XPR1: variants seen among roughly 807,000 people sequenced by gnomAD.
XPR1 encodes solute carrier family 53 member 1.
XPR1 carries 28 observed loss-of-function variants against 87.5 expected under a neutral mutation model. That is an observed-to-expected ratio of 0.32 (90% CI 0.24 to 0.44). The LOEUF (loss-of-function observed/expected upper bound fraction) is 0.44, where lower values mean the gene tolerates loss of function less well. Ranked by LOEUF, XPR1 falls within the 20% of genes least tolerant of loss-of-function variation. The pLI is 1.00. For synonymous variants in XPR1, 300 were observed against 306.1 expected (o/e 0.98, Z 0.21); for missense variants, 559 against 862.3 (o/e 0.65, Z 4.41).
At chr1:180,650,131 A>G (rs1385512912) in intron 1 of XPR1, among the ~76,000 whole-genome samples, 2 of 152,192 alleles carry the variant, frequency 1.3e-5, no homozygotes, top group African/African-American at 2.4e-5. Flanking sequence ...TTATACTTAA[A>G]AAAAAATTCC....
intron 8 of XPR1, 21 bp downstream of exon 8, chr1:180,824,964 C>T: frequency 6.2e-7 from 1 of 1,608,600 alleles, no homozygotes; most frequent in Non-Finnish European, 8.5e-7. Context: ...CAAGACATAA[C>T]ACCTCATGAA....
At chr1:180,807,038 A>G (rs1156718662) in intron 6 of XPR1, among the ~76,000 whole-genome samples, 1 of 152,220 alleles carries the variant, frequency 6.6e-6, no homozygotes, top group Non-Finnish European at 1.5e-5. Context: ...ATAGAAATCA[A>G]TAACAGAGCT....
chr1:180,767,949 G>A (rs1277928601), intron 2 of XPR1, among the ~76,000 whole-genome samples: 4 of 151,692 alleles, frequency 2.6e-5, no homozygotes, highest in African/African-American at 9.7e-5. Flanking sequence ...GGTTCACACC[G>A]TTCTCCTGCC....
intron 12 of XPR1, among the ~76,000 whole-genome samples, chr1:180,873,566 C>G (rs768369307): frequency 6.6e-6 from 1 of 152,158 alleles, no homozygotes; most frequent in Non-Finnish European, 1.5e-5. Context: ...AATGATTACT[C>G]AAATTCAGTA....
chr1:180,655,052 G>A (rs767617195), intron 1 of XPR1, among the ~76,000 whole-genome samples: 2 of 152,012 alleles, frequency 1.3e-5, no homozygotes, highest in Non-Finnish European at 2.9e-5. Flanking sequence ...TCCACCAACA[G>A]TGCACAATTT....
intron 1 of XPR1, among the ~76,000 whole-genome samples, chr1:180,637,068 A>AGG (rs1553231121): frequency 7.7e-6 from 1 of 130,490 alleles, no homozygotes; most frequent in Non-Finnish European, 1.6e-5. Context: ...AAAAAAAAAA[A>AGG]AAAGGAAAAG....
At chr1:180,849,489 C>T (rs1027505433) in intron 11 of XPR1, among the ~76,000 whole-genome samples, 3 of 152,064 alleles carry the variant, frequency 2.0e-5, no homozygotes, top group Non-Finnish European at 2.9e-5. Flanking sequence ...AGGATTAGGG[C>T]GATCCAAAAT....
At chr1:180,857,467 A>G (rs2102199192) in intron 11 of XPR1, among the ~76,000 whole-genome samples, 1 of 152,104 alleles carries the variant, frequency 6.6e-6, no homozygotes, top group South Asian at 2.1e-4. Context: ...ATGTGCAGGT[A>G]CTCTTTATTG....
At chr1:180,664,896 T>C (rs1028591060) in intron 1 of XPR1, among the ~76,000 whole-genome samples, 1 of 152,156 alleles carries the variant, frequency 6.6e-6, no homozygotes, top group Admixed American at 6.5e-5. Flanking sequence ...CAACCTAGAA[T>C]CTCTTCCATG....
At chr1:180,746,283 CT>C in intron 2 of XPR1, among the ~76,000 whole-genome samples, 1 of 152,250 alleles carries the variant, frequency 6.6e-6, no homozygotes, top group East Asian at 1.9e-4. Context: ...ACCTTCCTCT[CT>C]TCTGAGTCTT....
At position 180,720,969 on chromosome 1, in the gene XPR1, T is replaced by G. The variant is rs1376211719; in HGVS notation, c.121+38558T>G. ...TTAGAAGGAGGCCAGGCGTGGTGAC[T>G]CATGCCTGTAATCCCAGCACTTTGG... On this transcript the variant is annotated intron_variant, in intron 2 of 14. Transcript: ENST00000367590. 2.0e-5 allele frequency among the ~76,000 whole-genome samples: 3 copies of G among 152,168 alleles called. No homozygotes were observed. The South Asian group carries it at 6.2e-4, about 32-fold the overall frequency.
At chr1:180,854,094 G>T (rs6703189) in intron 11 of XPR1, among the ~76,000 whole-genome samples, 47,760 of 152,066 alleles carry the variant, frequency 0.31, 8,234 homozygotes, top group Non-Finnish European at 0.38. Flanking sequence ...TAGGGGTTTT[G>T]CTTTATCTAT....
At position 180,775,335 on chromosome 1, in the gene XPR1, G is replaced by A. The variant is rs922244211; in HGVS notation, c.122-12418G>A. Among the ~76,000 whole-genome samples the A allele has an allele frequency of 4.6e-5, 7 of 152,222 alleles. No homozygotes were observed. In the East Asian group the frequency reaches 7.7e-4, roughly 17 times the overall value. ...ACCATGGCTCCCACCTGTAATCCCA[G>A]CACTTTGGGAGGCTGAGGCAGGGGG... is the stretch of plus-strand genomic sequence containing the variant. On this transcript the variant is annotated intron_variant, in intron 2 of 14. Transcript: ENST00000367590.
At chr1:180,823,733 A>C (rs868247298) in intron 7 of XPR1, among the ~76,000 whole-genome samples, 4 of 152,232 alleles carry the variant, frequency 2.6e-5, no homozygotes, top group African/African-American at 7.2e-5. Flanking sequence ...GTAGTGCTTA[A>C]GAGTATGAAC....
At chr1:180,737,336 GGC>G (rs1363733181) in intron 2 of XPR1, among the ~76,000 whole-genome samples, 3 of 152,278 alleles carry the variant, frequency 2.0e-5, no homozygotes, top group Admixed American at 6.5e-5. Flanking sequence ...GGAAAATTCA[GGC>G]TATGTATACC....
intron 3 of XPR1, among the ~76,000 whole-genome samples, chr1:180,799,797 G>T (rs1026593532): frequency 6.6e-6 from 1 of 152,164 alleles, no homozygotes; most frequent in African/African-American, 2.4e-5. Flanking sequence ...ATGTGTAGCT[G>T]CATGCCAGGG....
chr1:180,783,540 A>G (rs1403491657), intron 2 of XPR1, among the ~76,000 whole-genome samples: 3 of 152,048 alleles, frequency 2.0e-5, no homozygotes, highest in Non-Finnish European at 4.4e-5. Flanking sequence ...CAATCTTTCT[A>G]TGAATGTACA....
intron 12 of XPR1, among the ~76,000 whole-genome samples, chr1:180,864,602 T>C (rs1405629751): frequency 6.6e-6 from 1 of 152,150 alleles, no homozygotes; most frequent in Non-Finnish European, 1.5e-5. Flanking sequence ...TTTGTTAAAA[T>C]CAAGTGCCAT....
rs528325808 is a variant in XPR1, at chr1:180,856,171, C to T, written c.1502-7537C>T. ...GTCTCCATTCCTATAACCACAATAA[C>T]TCTATAGTAATTAACACATATTTAG... On this transcript the variant is annotated intron_variant, in intron 11 of 14. Coordinates refer to ENST00000367590, the MANE Select transcript of XPR1 (RefSeq NM_004736.4). Among the ~76,000 whole-genome samples, 13 of 152,078 alleles carry T rather than the reference C, an allele frequency of 8.5e-5. No homozygotes were observed. The South Asian group carries it at 2.7e-3, about 32-fold the overall frequency.
Sources: gnomAD v4.1 joint callset for allele counts (sites outside exome capture counted in the v4.1 genomes callset) on GRCh38, gnomAD v4.1.1 for gene constraint, MANE v1.5 for transcripts, NCBI Gene and HGNC (gene_info 2026-07-23, HGNC 2026-07-21) for gene names.